MGRN1: variants seen among roughly 807,000 people sequenced by gnomAD.
MGRN1 encodes E3 ubiquitin-protein ligase MGRN1.
A neutral mutation model predicts 69.2 loss-of-function variants in MGRN1; 29 were observed. That is an observed-to-expected ratio of 0.42 (90% CI 0.31 to 0.57). MGRN1 has a LOEUF of 0.57. Among genes scored for constraint, MGRN1 ranks in the 20% least tolerant of loss-of-function variants. The pLI is 0.15. For missense variants in MGRN1, 998 were observed against 796.2 expected (o/e 1.25, Z -3.05); for synonymous variants, 470 against 344.2 (o/e 1.37, Z -4.04).
intron 11 of MGRN1, among the ~76,000 whole-genome samples, chr16:4,678,323 A>G (rs1018929927): frequency 1.3e-5 from 2 of 150,770 alleles, no homozygotes; most frequent in Non-Finnish European, 2.9e-5. Context: ...ACCCAAAGAC[A>G]GACAGAGACA....
chr16:4,663,563 C>G (rs1314624834), intron 5 of MGRN1, among the ~76,000 whole-genome samples: 1 of 152,114 alleles, frequency 6.6e-6, no homozygotes, highest in East Asian at 1.9e-4. Flanking sequence ...ATGCATGTGT[C>G]CATTGCTGTT....
chr16:4,652,949 C>G, intron 4 of MGRN1, 125 bp downstream of exon 4: 1 of 1,256,410 alleles, frequency 8.0e-7, no homozygotes. Flanking sequence ...ACTCCCAGGA[C>G]TTTACCACGA....
At chr16:4,638,833 C>A (rs1028785081) in intron 1 of MGRN1, among the ~76,000 whole-genome samples, 1 of 152,216 alleles carries the variant, frequency 6.6e-6, no homozygotes, top group Non-Finnish European at 1.5e-5. Flanking sequence ...CCTTCCCACT[C>A]CCCCTTCCTC....
At position 4,630,132 on chromosome 16, in the gene MGRN1, G is replaced by A. The variant is rs558679105; in HGVS notation, c.88+5084G>A. ...TTTGGGAGACTGAGATGGGTGGATTGCCTGAGCTCAGGAGTTTGAGACCAG... is the reference window on the plus strand; with the variant it reads ...TTTGGGAGACTGAGATGGGTGGATTACCTGAGCTCAGGAGTTTGAGACCAG... On this transcript the variant is annotated intron_variant, in intron 1 of 16. Coordinates refer to ENST00000262370, the MANE Select transcript of MGRN1 (RefSeq NM_015246.4). 6.0e-5 allele frequency among the ~76,000 whole-genome samples: 9 copies of A among 149,314 alleles called. No homozygotes were observed. The South Asian group carries it at 1.9e-3, about 32-fold the overall frequency.
At chr16:4,681,851 C>A in intron 13 of MGRN1, 75 bp downstream of exon 13, 1 of 1,422,672 alleles carries the variant, frequency 7.0e-7, no homozygotes, top group East Asian at 2.5e-5. Flanking sequence ...TTTGTGGTTT[C>A]AAATCAGTTT....
In MGRN1 at chr16:4,637,699, C is replaced by T. The variant is rs1042090335; in HGVS notation, c.88+12651C>T. ...AGCGCCATCCTGCAGTCCTGCAGAG[C>T]GCCCCAGCTGCTCCGGCGTGTGTGA... On this transcript the variant is annotated intron_variant, in intron 1 of 16. Transcript: ENST00000262370. 5.9e-5 allele frequency among the ~76,000 whole-genome samples: 9 copies of T among 152,356 alleles called. No individual in the cohort carries two copies. The South Asian group carries it at 1.0e-3, about 18-fold the overall frequency.
chr16:4,632,432 C>T (rs559828795), intron 1 of MGRN1, among the ~76,000 whole-genome samples: 16 of 152,010 alleles, frequency 1.1e-4, no homozygotes, highest in Admixed American at 7.2e-4. Context: ...CTTGCTCTGT[C>T]GCCCAGGCTG....
At chr16:4,656,813 G>C (rs533822150) in intron 4 of MGRN1, among the ~76,000 whole-genome samples, 1 of 152,138 alleles carries the variant, frequency 6.6e-6, no homozygotes, top group African/African-American at 2.4e-5. Context: ...TCAGAAGGCA[G>C]AGGTTGCAGT....
At chr16:4,661,370 C>T (rs375585963) in intron 5 of MGRN1, among the ~76,000 whole-genome samples, 3 of 152,330 alleles carry the variant, frequency 2.0e-5, no homozygotes, top group Non-Finnish European at 1.5e-5. Context: ...ACCCTTTTCT[C>T]CTGCACCCTC....
intron 1 of MGRN1, among the ~76,000 whole-genome samples, chr16:4,643,626 C>G (rs943514052): frequency 2.0e-5 from 3 of 152,134 alleles, no homozygotes; most frequent in Admixed American, 2.0e-4. Context: ...CCTGCCTTGG[C>G]CTCCCAAAGT....
At chr16:4,631,919 A>C (rs1438959386) in intron 1 of MGRN1, among the ~76,000 whole-genome samples, 1 of 142,604 alleles carries the variant, frequency 7.0e-6, no homozygotes, top group African/African-American at 2.6e-5. Context: ...TTTTTTTTTC[A>C]GATAACTTTA....
At chr16:4,652,967 G>A in intron 4 of MGRN1, 143 bp downstream of exon 4, 1 of 1,161,136 alleles carries the variant, frequency 8.6e-7, no homozygotes, top group Non-Finnish European at 1.1e-6. Flanking sequence ...CGATGTGAGG[G>A]GTTTCTCCCA....
At position 4,670,645 on chromosome 16, in the gene MGRN1, G is replaced by A. The variant is rs547335548; in HGVS notation, c.727-746G>A. On this transcript the variant is annotated intron_variant, in intron 8 of 16. Coordinates refer to ENST00000262370, the MANE Select transcript of MGRN1 (RefSeq NM_015246.4). The stretch of plus-strand genomic sequence containing the variant: ...GGAGGCAGGAGGATTGCTTGAGCCT[G>A]GGGATTCCAGACCAGCCTGGGCAAT... Among the ~76,000 whole-genome samples the A allele has an allele frequency of 3.9e-5, 6 of 152,368 alleles. No homozygotes were observed. The East Asian group carries it at 1.2e-3, about 29-fold the overall frequency.
At chr16:4,663,479 C>T (rs1435202980) in intron 5 of MGRN1, among the ~76,000 whole-genome samples, 1 of 148,772 alleles carries the variant, frequency 6.7e-6, no homozygotes, top group East Asian at 2.1e-4. Flanking sequence ...CTCACAGTGG[C>T]ACAGCCAGCA....
At chr16:4,662,713 C>A (rs1463282201) in intron 5 of MGRN1, among the ~76,000 whole-genome samples, 2 of 152,178 alleles carry the variant, frequency 1.3e-5, no homozygotes, top group Admixed American at 6.5e-5. Context: ...ATGAAAGCCA[C>A]CCTGGTCACT....
intron 1 of MGRN1, chr16:4,634,885 G>A (rs1285677331): frequency 6.6e-6 from 1 of 152,268 alleles, no homozygotes; most frequent in African/African-American, 2.4e-5. Context: ...GCATCCCTGA[G>A]GTGGGCAGAA....
rs368807663 is a variant in MGRN1, at chr16:4,650,499, G to A, written c.207+16G>A. 1 of 1,586,670 alleles carries A rather than the reference G, an allele frequency of 6.3e-7. No individual in the cohort carries two copies. Among genetic ancestry groups the A allele is most frequent in the African/African-American group, 1.4e-5 (1 of 73,674 alleles). ...CCCGGTCCAGGTGGGTCTGGACAGG[G>A]CTGTCTCATGGGGCTGTGGGGGTGG... On this transcript the variant is annotated intron_variant, in intron 2 of 16. Coordinates refer to ENST00000262370, the MANE Select transcript of MGRN1 (RefSeq NM_015246.4).
chr16:4,624,856 C>G lies in MGRN1; in HGVS notation c.-105C>G, dbSNP rs546861872. ...CTCGAGGCGCCTCCGCGGCCGTGGA[C>G]GAGCGTCCGTGCGGCCTGGTCCGGG... On this transcript the variant is annotated 5_prime_UTR_variant, in exon 1 of 17. Coordinates refer to ENST00000262370, the MANE Select transcript of MGRN1 (RefSeq NM_015246.4). 1.1e-3 allele frequency: 1,068 copies of G among 954,394 alleles called. 10 individuals carry two copies. The African/African-American group carries it at 0.017, about 15-fold the overall frequency. The allele number at this position is 954,394 out of a possible 1,614,324, so 59.1% of individuals were successfully genotyped here.
At chr16:4,688,273 G>T (rs918787765) in intron 16 of MGRN1, 4 of 985,840 alleles carry the variant, frequency 4.1e-6, no homozygotes, top group Non-Finnish European at 4.8e-6. Flanking sequence ...CGGCGGCGTC[G>T]TGCAGGCCAC....
Sources: gnomAD v4.1 joint callset for allele counts (sites outside exome capture counted in the v4.1 genomes callset) on GRCh38, gnomAD v4.1.1 for gene constraint, MANE v1.5 for transcripts, NCBI Gene and HGNC (gene_info 2026-07-23, HGNC 2026-07-21) for gene names.